Variants in OR10J1 observed in about 807,000 individuals in gnomAD.
OR10J1 encodes olfactory receptor 10J1.
For missense variants in OR10J1, 474 were observed against 376.6 expected (o/e 1.26, Z -2.14); for synonymous variants, 202 against 143.8 (o/e 1.40, Z -2.89).
the OR10J1 span, among the ~76,000 whole-genome samples, chr1:159,416,330 C>T: frequency 6.6e-6 from 1 of 151,846 alleles, no homozygotes; most frequent in East Asian, 1.9e-4. Context: ...TCATAAGTGG[C>T]CTATATTATG....
upstream of OR10J1, among the ~76,000 whole-genome samples, chr1:159,436,331 C>A (rs1230893967): frequency 6.6e-6 from 1 of 152,040 alleles, no homozygotes; most frequent in Admixed American, 6.6e-5. Context: ...CATGAATGAA[C>A]CTGATGAGAG....
upstream of OR10J1, among the ~76,000 whole-genome samples, chr1:159,435,937 G>A (rs980186746): frequency 8.5e-5 from 13 of 152,066 alleles, no homozygotes; most frequent in Admixed American, 2.0e-4. Flanking sequence ...GTGGCAGATT[G>A]GACTTTCTGT....
the OR10J1 span, among the ~76,000 whole-genome samples, chr1:159,413,692 G>A: frequency 1.4e-5 from 2 of 145,702 alleles, no homozygotes; most frequent in Non-Finnish European, 3.0e-5. Flanking sequence ...ACTGTTGTGG[G>A]GTAGGGGGAG....
chr1:159,413,817 T>C, the OR10J1 span, among the ~76,000 whole-genome samples: 1 of 151,606 alleles, frequency 6.6e-6, no homozygotes, highest in Non-Finnish European at 1.5e-5. Context: ...TGTGCACATG[T>C]ACCCTAAAAC....
chr1:159,426,671 T>A, the OR10J1 span, among the ~76,000 whole-genome samples: 2 of 151,838 alleles, frequency 1.3e-5, no homozygotes, highest in African/African-American at 4.8e-5. Flanking sequence ...ACAGGCCTAA[T>A]CTAAAGCTCA....
chr1:159,401,075 T>G, the OR10J1 span, among the ~76,000 whole-genome samples: 2 of 151,082 alleles, frequency 1.3e-5, no homozygotes, highest in East Asian at 1.9e-4. Context: ...AACCACAACA[T>G]ACCAAAACCT....
the OR10J1 span, among the ~76,000 whole-genome samples, chr1:159,430,263 T>A: frequency 6.6e-6 from 1 of 151,846 alleles, no homozygotes; most frequent in South Asian, 2.1e-4. Context: ...ATCCAGCATA[T>A]TCTCATTGAA....
chr1:159,437,836 T>A (rs1418864984), upstream of OR10J1: 2 of 152,220 alleles, frequency 1.3e-5, no homozygotes, highest in East Asian at 3.9e-4. Flanking sequence ...TGCCTATGAC[T>A]CTCAAACCTG....
chr1:159,412,105 A>C, the OR10J1 span, among the ~76,000 whole-genome samples: 2 of 152,016 alleles, frequency 1.3e-5, no homozygotes, highest in South Asian at 2.1e-4. Context: ...AAAGAGAATA[A>C]AATACTTAGG....
At chr1:159,416,103 C>G in the OR10J1 span, among the ~76,000 whole-genome samples, 2 of 151,758 alleles carry the variant, frequency 1.3e-5, no homozygotes, top group Admixed American at 1.3e-4. Context: ...TTAGGTTTTT[C>G]TAGATGTAAG....
upstream of OR10J1, chr1:159,432,950 A>G (rs138131945): frequency 4.6e-6 from 2 of 431,848 alleles, no homozygotes; most frequent in Non-Finnish European, 4.1e-6. Context: ...CACAGTGGTC[A>G]TTGTCCACTA....
At chr1:159,399,128 A>G in the OR10J1 span, among the ~76,000 whole-genome samples, 1 of 152,210 alleles carries the variant, frequency 6.6e-6, no homozygotes, top group Non-Finnish European at 1.5e-5. Flanking sequence ...GGAGAGAATA[A>G]CATGACATAT....
At chr1:159,424,997 T>C in the OR10J1 span, among the ~76,000 whole-genome samples, 1 of 152,138 alleles carries the variant, frequency 6.6e-6, no homozygotes, top group African/African-American at 2.4e-5. Context: ...CACATCGTGT[T>C]AAAAGACTGA....
chr1:159,439,425 T>A (rs1212014339), upstream of OR10J1, among the ~76,000 whole-genome samples: 1 of 152,102 alleles, frequency 6.6e-6, no homozygotes, highest in African/African-American at 2.4e-5. Flanking sequence ...TACGGTTTTA[T>A]GAAGGCCTGA....
chr1:159,400,094 T>C, the OR10J1 span, among the ~76,000 whole-genome samples: 2 of 151,886 alleles, frequency 1.3e-5, no homozygotes, highest in East Asian at 1.9e-4. Flanking sequence ...TAAAGAAAGA[T>C]AGTAATGAAA....
At chr1:159,439,697 A>G, upstream of OR10J1, 4 of 1,485,726 alleles carry the variant, frequency 2.7e-6, no homozygotes, top group South Asian at 4.9e-5. Context: ...ACTGAGAACT[A>G]TTGAACTTCA....
chr1:159,412,177 G>T, the OR10J1 span, among the ~76,000 whole-genome samples: 2 of 152,022 alleles, frequency 1.3e-5, no homozygotes, highest in Non-Finnish European at 2.9e-5. Flanking sequence ...ACTGCTCAGT[G>T]AAATAAAAGA....
At chr1:159,437,067 A>T (rs984807563), upstream of OR10J1, among the ~76,000 whole-genome samples, 1 of 152,234 alleles carries the variant, frequency 6.6e-6, no homozygotes, top group Middle Eastern at 3.2e-3. Flanking sequence ...AGACTAAGAA[A>T]TTTTTAAAGA....
the OR10J1 span, among the ~76,000 whole-genome samples, chr1:159,399,942 A>T: frequency 6.6e-6 from 1 of 152,150 alleles, no homozygotes; most frequent in African/African-American, 2.4e-5. Context: ...AATAGTGTTA[A>T]GTTGTTATCA....
Sources: allele counts gnomAD v4.1 joint callset (sites outside exome capture counted in the v4.1 genomes callset), GRCh38; gene constraint gnomAD v4.1.1; transcripts MANE v1.5; gene names NCBI Gene and HGNC (gene_info 2026-07-23, HGNC 2026-07-21).